PPP2R2B: variants seen among roughly 807,000 people sequenced by gnomAD.
PPP2R2B encodes the protein protein phosphatase 2 regulatory subunit Bbeta.
Under a neutral mutation model 46.0 loss-of-function variants are expected in PPP2R2B, and 5 were observed. The ratio of observed to expected loss-of-function variants is 0.11; its 90% CI spans 0.06 to 0.23. The LOEUF (loss-of-function observed/expected upper bound fraction) is 0.23, where lower values mean the gene tolerates loss of function less well. Among genes scored for constraint, PPP2R2B ranks in the 10% least tolerant of loss-of-function variants. The pLI is 1.00. For synonymous variants in PPP2R2B, 215 were observed against 206.7 expected, an observed-to-expected ratio of 1.04 and a Z score of -0.34; for missense variants, 367 against 575.0, an observed-to-expected ratio of 0.64 and a Z score of 3.70.
At chr5:147,055,606 A>C in intron 1 of PPP2R2B, 1 of 1,451,434 alleles carries the variant, frequency 6.9e-7, no homozygotes, top group Non-Finnish European at 9.7e-7. Context: ...ACCCGTGGGA[A>C]GTCAGACACC....
At chr5:146,729,202 T>C (rs1193782208) in intron 2 of PPP2R2B, among the ~76,000 whole-genome samples, 2 of 152,214 alleles carry the variant, frequency 1.3e-5, no homozygotes, top group Admixed American at 6.5e-5. Flanking sequence ...TCTTGTTATG[T>C]TTTAGCAAAG....
chr5:147,058,122 T>C (rs906156238), upstream of PPP2R2B, among the ~76,000 whole-genome samples: 1 of 152,210 alleles, frequency 6.6e-6, no homozygotes, highest in South Asian at 2.1e-4. Flanking sequence ...CCTCACCTAG[T>C]GCCTGCACAA....
chr5:146,785,499 G>A (rs982729016), intron 2 of PPP2R2B, among the ~76,000 whole-genome samples: 7 of 152,156 alleles, frequency 4.6e-5, no homozygotes, highest in Non-Finnish European at 8.8e-5. Flanking sequence ...AGTGAGCTTT[G>A]ATTGTACCAC....
chr5:147,064,786 T>C (rs1757370851), intron 2 of PPP2R2B, among the ~76,000 whole-genome samples: 1 of 152,196 alleles, frequency 6.6e-6, no homozygotes, highest in South Asian at 2.1e-4. Flanking sequence ...ACCAGCACAT[T>C]GAAAAATAGC....
chr5:147,055,951 A>G (rs1288347734), exon 1 of PPP2R2B: 45 of 1,398,876 alleles, frequency 3.2e-5, no homozygotes, highest in African/African-American at 5.8e-5. Context: ...TTCTGCATGC[A>G]GCTCAAACTC....
At chr5:146,694,853 A>G (rs1779083229) in intron 4 of PPP2R2B, among the ~76,000 whole-genome samples, 2 of 152,262 alleles carry the variant, frequency 1.3e-5, no homozygotes, top group East Asian at 1.9e-4. Context: ...TAAACATAAT[A>G]TGGCATACTT....
intron 1 of PPP2R2B, among the ~76,000 whole-genome samples, chr5:146,897,305 G>GC (rs1441968732): frequency 1.3e-5 from 2 of 152,146 alleles, no homozygotes; most frequent in East Asian, 3.8e-4. Flanking sequence ...GGATTTACCT[G>GC]CCCCCCGTTC....
At chr5:146,637,670 A>G (rs1371326038) in intron 7 of PPP2R2B, among the ~76,000 whole-genome samples, 2 of 152,170 alleles carry the variant, frequency 1.3e-5, no homozygotes, top group African/African-American at 4.8e-5. Flanking sequence ...CATGGTCATT[A>G]TGACATGGCT....
intron 2 of PPP2R2B, among the ~76,000 whole-genome samples, chr5:146,806,308 C>T (rs1582147254): frequency 6.6e-6 from 1 of 152,250 alleles, no homozygotes; most frequent in East Asian, 1.9e-4. Flanking sequence ...GAAATGTATT[C>T]TTCTCCCTGA....
At chr5:146,790,667 C>T (rs1292727269) in intron 2 of PPP2R2B, among the ~76,000 whole-genome samples, 2 of 152,210 alleles carry the variant, frequency 1.3e-5, no homozygotes, top group African/African-American at 4.8e-5. Flanking sequence ...GGCAGCATTG[C>T]CTAATATCCC....
At chr5:146,967,357 A>G (rs563872567) in intron 1 of PPP2R2B, among the ~76,000 whole-genome samples, 16 of 152,290 alleles carry the variant, frequency 1.1e-4, no homozygotes, top group African/African-American at 3.6e-4. Flanking sequence ...CAATTTATTG[A>G]AGATTTTATT....
At chr5:147,053,786 T>C (rs1428818484) in intron 1 of PPP2R2B, among the ~76,000 whole-genome samples, 1 of 152,222 alleles carries the variant, frequency 6.6e-6, no homozygotes, top group Non-Finnish European at 1.5e-5. Context: ...AAGAACTTTA[T>C]TCAGTGGTAA....
intron 2 of PPP2R2B, among the ~76,000 whole-genome samples, chr5:146,734,080 G>A (rs1561866169): frequency 1.3e-5 from 2 of 150,438 alleles, no homozygotes; most frequent in South Asian, 4.2e-4. Context: ...TTTGAGACAG[G>A]GTTTTACTCT....
chr5:146,842,634 C>G (rs963899461), intron 2 of PPP2R2B, among the ~76,000 whole-genome samples: 5 of 152,020 alleles, frequency 3.3e-5, no homozygotes, highest in Admixed American at 3.3e-4. Context: ...TCCTGGTCAT[C>G]TAATTTTACC....
intron 5 of PPP2R2B, among the ~76,000 whole-genome samples, chr5:146,680,096 T>G (rs376804144): frequency 2.7e-5 from 4 of 149,938 alleles, no homozygotes; most frequent in South Asian, 2.1e-4. Context: ...ACATGCACAC[T>G]TATGTTTATT....
At chr5:147,055,793 C>T (rs1351264326) in exon 1 of PPP2R2B, 2 of 1,555,778 alleles carry the variant, frequency 1.3e-6, no homozygotes, top group South Asian at 2.4e-5. Context: ...CTCCTGAATC[C>T]ATAAGGATTC....
rs1252426398 is a variant in PPP2R2B, at chr5:146,905,123, G to A, written c.79+150542C>T. ...ATGAAATACCATTGCATCTCTACTA[G>A]AATTGCCAAGACTAACTATGTCAAG... On this transcript the variant is annotated intron_variant, in intron 1 of 8. Transcript: ENST00000336640. 1.3e-5 allele frequency among the ~76,000 whole-genome samples: 2 copies of A among 152,118 alleles called. 1 individual carries two copies. The highest frequency in any genetic ancestry group is 2.9e-5 in the Non-Finnish European group (2 of 68,038).
At chr5:146,666,709 G>A (rs1283350253) in intron 5 of PPP2R2B, among the ~76,000 whole-genome samples, 3 of 152,162 alleles carry the variant, frequency 2.0e-5, no homozygotes, top group Non-Finnish European at 4.4e-5. Context: ...CCTCAATAAT[G>A]GTGAGCTCAG....
chr5:147,003,646 C>T (rs1754292943), intron 1 of PPP2R2B, among the ~76,000 whole-genome samples: 5 of 152,150 alleles, frequency 3.3e-5, no homozygotes, highest in Non-Finnish European at 5.9e-5. Context: ...AAATTCTCTA[C>T]CAGTCAGCAA....
Sources: gnomAD v4.1 joint callset for allele counts (sites outside exome capture counted in the v4.1 genomes callset) on GRCh38, gnomAD v4.1.1 for gene constraint, MANE v1.5 for transcripts, NCBI Gene and HGNC (gene_info 2026-07-23, HGNC 2026-07-21) for gene names.